Variants in RANBP10 observed in about 807,000 individuals in gnomAD.
RANBP10 encodes RAN binding protein 10.
A neutral mutation model predicts 72.8 loss-of-function variants in RANBP10; 24 were observed. The ratio of observed to expected loss-of-function variants is 0.33; its 90% CI spans 0.24 to 0.46. The LOEUF (loss-of-function observed/expected upper bound fraction) is 0.46. Ranked by LOEUF, RANBP10 falls within the 20% of genes least tolerant of loss-of-function variation. The probability of loss-of-function intolerance (pLI) is 1.00; values close to 1 mark genes in which losing one functional copy is unlikely to be tolerated. For missense variants in RANBP10, 679 were observed against 817.5 expected (o/e 0.83, Z 2.07); for synonymous variants, 310 against 322.3 (o/e 0.96, Z 0.41).
At chr16:67,775,433 T>C (rs920978919) in intron 2 of RANBP10, among the ~76,000 whole-genome samples, 1 of 152,122 alleles carries the variant, frequency 6.6e-6, no homozygotes, top group Non-Finnish European at 1.5e-5. Context: ...GAGTTCTAGA[T>C]GATGCAATCA....
Position 67,726,498 on chromosome 16 carries a change from C to T in RANBP10, c.1793G>A (p.Cys598Tyr), listed in dbSNP as rs745957650. 18 of 1,593,104 alleles carry T rather than the reference C, an allele frequency of 1.1e-5. No homozygotes were observed. The Admixed American group carries it at 2.8e-4, about 25-fold the overall frequency. Residue 598 changes from cysteine (C) to tyrosine (Y), a missense_variant, in exon 14 of 14, where the codon TGT becomes TAT. Cys to Tyr is a radical substitution (Grantham distance 194, BLOSUM62 -2). Transcript: ENST00000317506. ...LMLALGQASE[C>Y]LRLMARAGLG... ...GCCTGCTCGGGCCATGAGCCGGAGA[C>T]ACTCAGATGCCTGGCCCAGGGCGAG...
rs895655353 is a variant in RANBP10, at chr16:67,729,561, C to T, written c.1148-77G>A. On this transcript the variant is annotated intron_variant, in intron 9 of 13. Transcript: ENST00000317506. This position sits in a 1 kb window ranked among gnomAD's most constrained non-coding sequence, Gnocchi z 7.1. ...AAGCCCCAAGAACAACCACAGTGGTCCCATTTCCCTTCTCCCAAATCCAGC... is the reference window on the plus strand; with the variant it reads ...AAGCCCCAAGAACAACCACAGTGGTTCCATTTCCCTTCTCCCAAATCCAGC... 2.4e-5 allele frequency: 38 copies of T among 1,559,322 alleles called. No homozygotes were observed. The African/African-American group carries it at 3.9e-4, about 16-fold the overall frequency.
intron 3 of RANBP10, among the ~76,000 whole-genome samples, chr16:67,750,078 G>A (rs1211404888): frequency 2.0e-5 from 3 of 152,230 alleles, no homozygotes; most frequent in African/African-American, 7.2e-5. Flanking sequence ...CTGTGTGTTT[G>A]GCACAGCACA....
chr16:67,767,101 G>A (rs2054516410), intron 3 of RANBP10, among the ~76,000 whole-genome samples: 1 of 152,172 alleles, frequency 6.6e-6, no homozygotes, highest in Admixed American at 6.5e-5. Flanking sequence ...TATTAGCAAT[G>A]TCAAAGGACA....
rs914211911 is a variant in RANBP10 at position 67,797,592 on chromosome 16, T to A, written c.347+7836A>T. ...TGGGAGGCTGAGGTGGGCAGATCAT[T>A]TGAGGTCAGGAGTTCAAAACCAGCC... On this transcript the variant is annotated intron_variant, in intron 2 of 13. Coordinates refer to ENST00000317506, the MANE Select transcript of RANBP10 (RefSeq NM_020850.3). Among the ~76,000 whole-genome samples the A allele has an allele frequency of 5.9e-5, 9 of 152,128 alleles. 1 individual carries two copies. The highest frequency in any genetic ancestry group is 2.2e-4 in the African/African-American group (9 of 41,418).
intron 2 of RANBP10, among the ~76,000 whole-genome samples, chr16:67,803,690 C>T (rs2055277392): frequency 6.7e-6 from 1 of 149,322 alleles, no homozygotes; most frequent in Non-Finnish European, 1.5e-5. Flanking sequence ...GGCGTGGTGG[C>T]ATGCACCTGT....
intron 2 of RANBP10, among the ~76,000 whole-genome samples, chr16:67,775,502 G>A (rs771883681): frequency 1.3e-5 from 2 of 151,930 alleles, no homozygotes; most frequent in Non-Finnish European, 2.9e-5. Flanking sequence ...TCTGTTCACA[G>A]ATGACATGTT....
At chr16:67,757,077 G>A (rs969606853) in intron 3 of RANBP10, among the ~76,000 whole-genome samples, 16 of 152,132 alleles carry the variant, frequency 1.1e-4, no homozygotes, top group South Asian at 2.1e-4. Flanking sequence ...GCGTGGTGGC[G>A]CGTGCCTGTA....
chr16:67,803,700 T>C (rs1225401358), intron 2 of RANBP10, among the ~76,000 whole-genome samples: 1 of 148,248 alleles, frequency 6.7e-6, no homozygotes, highest in African/African-American at 2.5e-5. Flanking sequence ...CATGCACCTG[T>C]ATTCCCAGTT....
chr16:67,768,935 T>C (rs2054553741), intron 3 of RANBP10, among the ~76,000 whole-genome samples: 1 of 152,190 alleles, frequency 6.6e-6, no homozygotes. Context: ...TTTTTCTTTC[T>C]CAGTCCTGGC....
At chr16:67,772,760 A>G (rs992823371) in intron 2 of RANBP10, among the ~76,000 whole-genome samples, 6 of 151,966 alleles carry the variant, frequency 3.9e-5, no homozygotes, top group African/African-American at 1.5e-4. Context: ...GGAGTATGCA[A>G]CCTGGGCTCC....
intron 10 of RANBP10, 192 bp from the exon 11 acceptor site, chr16:67,728,703 C>T: frequency 9.5e-7 from 1 of 1,052,684 alleles, no homozygotes; most frequent in Non-Finnish European, 1.3e-6. Flanking sequence ...CCTCAGAGGC[C>T]TGTCACCTGA....
chr16:67,739,605 A>T (rs1184869902), intron 4 of RANBP10, among the ~76,000 whole-genome samples: 1 of 152,136 alleles, frequency 6.6e-6, no homozygotes, highest in Non-Finnish European at 1.5e-5. Context: ...TGGGCAACAT[A>T]GCGAGGCTCC....
chr16:67,749,550 T>C (rs1168981164), intron 3 of RANBP10, among the ~76,000 whole-genome samples: 1 of 152,210 alleles, frequency 6.6e-6, no homozygotes, highest in Non-Finnish European at 1.5e-5. Flanking sequence ...ACTGCCTGGC[T>C]CAGGGAACAT....
intron 7 of RANBP10, chr16:67,731,147 G>A: frequency 3.3e-6 from 1 of 306,558 alleles, no homozygotes; most frequent in Non-Finnish European, 6.3e-6. Context: ...ATGAACAGGA[G>A]GTTGAGAGGA....
At chr16:67,772,695 T>C (rs2054630671) in intron 2 of RANBP10, among the ~76,000 whole-genome samples, 1 of 152,080 alleles carries the variant, frequency 6.6e-6, no homozygotes, top group Admixed American at 6.5e-5. Context: ...CTCCTCCCAC[T>C]CTTTGAAGAG....
chr16:67,790,696 ATTTTTTAT>A (rs1345379340), intron 2 of RANBP10, among the ~76,000 whole-genome samples: 5 of 151,468 alleles, frequency 3.3e-5, no homozygotes, highest in Admixed American at 1.3e-4. Context: ...ACTTTTACCA[ATTTTTTAT>A]TTTTTTATTT....
chr16:67,739,080 C>T (rs1846418781), intron 4 of RANBP10: 1 of 152,218 alleles, frequency 6.6e-6, no homozygotes, highest in African/African-American at 2.4e-5. Context: ...CTGCCTCAGC[C>T]TCCCGAGTAG....
At chr16:67,775,321 T>C (rs1211622638) in intron 2 of RANBP10, among the ~76,000 whole-genome samples, 1 of 151,578 alleles carries the variant, frequency 6.6e-6, no homozygotes, top group Non-Finnish European at 1.5e-5. Flanking sequence ...GAAAAATAAA[T>C]TTAAAAAAAC....
Sources: gnomAD v4.1 joint callset for allele counts (sites outside exome capture counted in the v4.1 genomes callset) on GRCh38, gnomAD v4.1.1 for gene constraint, Gnocchi (gnomAD v3.1) non-coding constraint, MANE v1.5 for transcripts, NCBI Gene and HGNC (gene_info 2026-07-23, HGNC 2026-07-21) for gene names.